The following LRRK2 variants were observed in gnomAD, a reference collection of about 807,000 sequenced individuals.
The protein encoded by LRRK2 is leucine-rich repeat serine/threonine-protein kinase 2.
Under a neutral mutation model 302.6 loss-of-function variants are expected in LRRK2, and 203 were observed. That is an observed-to-expected ratio of 0.67 (90% CI 0.60 to 0.75). The LOEUF is 0.75. Ranked by LOEUF, LRRK2 falls within the 30% of genes least tolerant of loss-of-function variation. The pLI is 0.00. For synonymous variants in LRRK2, 1,066 were observed against 1,031.9 expected, an observed-to-expected ratio of 1.03 and a Z score of -0.63; for missense variants, 2,830 against 2,951.0, an observed-to-expected ratio of 0.96 and a Z score of 0.95.
rs201407298 is a variant in LRRK2, at chr12:40,309,146, G to A, written c.4230G>A (p.Thr1410=). The A allele has an allele frequency of 3.3e-5, 54 of 1,613,622 alleles. No individual in the cohort carries two copies. The highest frequency in any genetic ancestry group is 1.8e-4 in the South Asian group (16 of 91,068). ...ATAGTACTCATCCCCATTTTATGAC[G>A]CAGCGAGCATTGTACCTTGCTGTCT... The part of the protein sequence containing the change: ...EFYSTHPHFM[T]QRALYLAVYD... Residue 1410 remains threonine, a synonymous_variant, in exon 30 of 51, where the codon ACG becomes ACA. Coordinates refer to ENST00000298910, the MANE Select transcript of LRRK2 (RefSeq NM_198578.4).
chr12:40,355,744 A>AT (rs956088236), intron 45 of LRRK2, among the ~76,000 whole-genome samples: 8 of 151,928 alleles, frequency 5.3e-5, no homozygotes, highest in Non-Finnish European at 1.0e-4. Context: ...GGATTTCACC[A>AT]TGTTAGCCAG....
At chr12:40,296,798 G>A (rs1483023248) in intron 23 of LRRK2, among the ~76,000 whole-genome samples, 1 of 152,058 alleles carries the variant, frequency 6.6e-6, no homozygotes, top group Non-Finnish European at 1.5e-5. Context: ...AAGAAAGAAA[G>A]GTGACCCACT....
Position 40,284,180 on chromosome 12 carries a change from AT to A in LRRK2, c.2500+54del, listed in dbSNP as rs778737765. ...TTTTACAATTCTTATTTTTAATAGT[AT>A]TTTTTTAAGTCACTAGTCTTTTAGT... On this transcript the variant is annotated intron_variant, in intron 19 of 50. Coordinates refer to ENST00000298910, the MANE Select transcript of LRRK2 (RefSeq NM_198578.4). 8 of 1,525,670 alleles carry A rather than the reference AT, an allele frequency of 5.2e-6. 1 individual carries two copies. In the Admixed American group the frequency reaches 1.2e-4, roughly 23 times the overall value. The allele number at this position is 1,525,670 out of a possible 1,614,324, so 94.5% of individuals were successfully genotyped here.
At chr12:40,340,156 C>G in intron 40 of LRRK2, 138 bp from the exon 41 acceptor site, 2 of 797,648 alleles carry the variant, frequency 2.5e-6, no homozygotes, top group South Asian at 3.4e-5. Flanking sequence ...TCTACAATAT[C>G]TCTTAACTTT....
intron 7 of LRRK2, among the ~76,000 whole-genome samples, chr12:40,244,853 T>C (rs926674243): frequency 6.6e-6 from 1 of 151,888 alleles, no homozygotes; most frequent in Non-Finnish European, 1.5e-5. Flanking sequence ...CTGAACATTG[T>C]ACACATGTAC....
chr12:40,353,082 G>A (rs1479937722), intron 44 of LRRK2, among the ~76,000 whole-genome samples: 5 of 150,494 alleles, frequency 3.3e-5, no homozygotes, highest in African/African-American at 4.9e-5. Flanking sequence ...GCGGCCGGGC[G>A]GGGGCTGCCC....
chr12:40,251,198 T>A (rs1942254010), intron 8 of LRRK2, 34 bp from the exon 9 acceptor site: 1 of 1,340,054 alleles, frequency 7.5e-7, no homozygotes, highest in Non-Finnish European at 1.0e-6. Flanking sequence ...ATAATATATA[T>A]AATGTTTTTA....
In LRRK2 at chr12:40,346,838, C is replaced by T; in HGVS notation, c.6195C>T (p.Asp2065=). 1 of 1,613,810 alleles carries T rather than the reference C, an allele frequency of 6.2e-7. No individual in the cohort carries two copies. The highest frequency in any genetic ancestry group is 8.5e-7 in the Non-Finnish European group (1 of 1,179,820). Residue 2065 remains aspartate, a synonymous_variant, in exon 42 of 51, where the codon GAC becomes GAT. Coordinates refer to ENST00000298910, the MANE Select transcript of LRRK2 (RefSeq NM_198578.4). The stretch of plus-strand genomic sequence containing the variant: ...ATTCATTTGGTTTACTACTCTATGA[C>T]ATTTTGACAACTGGAGGTAGAATAG... ...DVYSFGLLLY[D]ILTTGGRIVE... is the part of the protein sequence containing the mutation.
intron 20 of LRRK2, among the ~76,000 whole-genome samples, chr12:40,291,483 CGAGTTATTTAG>C (rs1565718531): frequency 6.6e-6 from 1 of 150,666 alleles, no homozygotes; most frequent in Non-Finnish European, 1.5e-5. Flanking sequence ...CTTTGATTCA[CGAGTTATTTAG>C]AAGGCTGTCA....
At chr12:40,274,778 G>A in intron 15 of LRRK2, 51 bp downstream of exon 15, 1 of 1,611,244 alleles carries the variant, frequency 6.2e-7, no homozygotes, top group South Asian at 1.1e-5. Flanking sequence ...TAGGGCATTA[G>A]CTGGTGACTG....
intron 39 of LRRK2, among the ~76,000 whole-genome samples, chr12:40,329,687 A>G (rs781623450): frequency 1.3e-5 from 2 of 152,076 alleles, no homozygotes; most frequent in African/African-American, 2.4e-5. Flanking sequence ...TTTATCATCA[A>G]TTTATAAAAA....
rs568798467 is a variant in LRRK2 at position 40,277,332 on chromosome 12, A to G, written c.1942-556A>G. Reference sequence around the variant, plus strand: ...TTCTTTATAAATAACTTATTATTAGAATGTAATCCTCAGAGTGCCCTCAGC... The same window carrying G: ...TTCTTTATAAATAACTTATTATTAGGATGTAATCCTCAGAGTGCCCTCAGC... On this transcript the variant is annotated intron_variant, in intron 16 of 50. Transcript: ENST00000298910. Among the ~76,000 whole-genome samples the G allele has an allele frequency of 5.9e-5, 9 of 152,276 alleles. No homozygotes were observed. In the South Asian group the frequency reaches 1.9e-3, roughly 32 times the overall value.
chr12:40,308,968 T>A lies in LRRK2; in HGVS notation c.4190-138T>A, dbSNP rs190724176. On this transcript the variant is annotated intron_variant, in intron 29 of 50. Coordinates refer to ENST00000298910, the MANE Select transcript of LRRK2 (RefSeq NM_198578.4). ...TCCTAGTAAAAACCCAGAATAGTTC[T>A]CTAAACATGGTCTGTTGTTTTTCTC... The A allele has an allele frequency of 2.1e-5, 22 of 1,059,932 alleles. No homozygotes were observed. The East Asian group carries it at 5.7e-4, about 27-fold the overall frequency. The allele number at this position is 1,059,932 out of a possible 1,614,324, so 65.7% of individuals were successfully genotyped here.
At chr12:40,281,918 G>A (rs1943712611) in intron 18 of LRRK2, among the ~76,000 whole-genome samples, 1 of 152,106 alleles carries the variant, frequency 6.6e-6, no homozygotes, top group Non-Finnish European at 1.5e-5. Flanking sequence ...AATCACCTTA[G>A]TACAAAGTAA....
At position 40,251,539 on chromosome 12, in the gene LRRK2, T is replaced by C. The variant is rs780820960; in HGVS notation, c.1176T>C (p.Asp392=). The C allele has an allele frequency of 1.9e-6, 3 of 1,610,242 alleles. No individual in the cohort carries two copies. Among genetic ancestry groups the C allele is most frequent in the East Asian group, 4.5e-5 (2 of 44,754 alleles). The change falls in exon 10 of 51, where the codon GAT becomes GAC. Residue 392 remains aspartate (D), a synonymous_variant. Coordinates refer to ENST00000298910, the MANE Select transcript of LRRK2 (RefSeq NM_198578.4). ...TACATGAGAAGATTGGAGATGAAGA[T>C]GGCCAGTTAGTAGTTTTGATTTTAT... ...NSLHEKIGDE[D]GHFPAHREVM...
At chr12:40,303,517 A>G (rs537182005) in intron 26 of LRRK2, among the ~76,000 whole-genome samples, 2 of 152,182 alleles carry the variant, frequency 1.3e-5, no homozygotes, top group South Asian at 2.1e-4. Flanking sequence ...AATTGACACT[A>G]AAATGCTGCT....
intron 33 of LRRK2, among the ~76,000 whole-genome samples, chr12:40,316,803 A>T (rs1044817418): frequency 8.5e-5 from 13 of 152,184 alleles, no homozygotes; most frequent in Non-Finnish European, 1.9e-4. Context: ...GGGGACAAAT[A>T]AAAAAGATGT....
In LRRK2 at chr12:40,340,206, A is replaced by G; in HGVS notation, c.5949-88A>G. 6 of 1,329,350 alleles carry G rather than the reference A, an allele frequency of 4.5e-6. No individual in the cohort carries two copies. In the South Asian group the frequency reaches 5.1e-5, roughly 11 times the overall value. 82.3% of individuals were successfully genotyped at this position (1,329,350 alleles called of 1,614,324 possible). On this transcript the variant is annotated intron_variant, in intron 40 of 50. Coordinates refer to ENST00000298910, the MANE Select transcript of LRRK2 (RefSeq NM_198578.4). ...GCACAGAATTTTTGATGCTTGACAT[A>G]GTGGACATTTATATTTAAGGAAATT... is the stretch of plus-strand genomic sequence containing the variant.
chr12:40,368,560 C>CAAGTGAT lies in LRRK2; in HGVS notation c.*797_*803dup, dbSNP rs1468292709. ...AGTGTAAATACAGTGTTCAGTCCTT[C>CAAGTGAT]AAGTGATATTTTTATTTTTTTATTC... is the stretch of plus-strand genomic sequence containing the variant. On this transcript the variant is annotated 3_prime_UTR_variant, in exon 51 of 51. Coordinates refer to ENST00000298910, the MANE Select transcript of LRRK2 (RefSeq NM_198578.4). 1.3e-5 allele frequency: 2 copies of CAAGTGAT among 151,860 alleles called. No individual in the cohort carries two copies. The highest frequency in any genetic ancestry group is 4.8e-5 in the African/African-American group (2 of 41,422). 9.4% of individuals were successfully genotyped at this position (151,860 alleles called of 1,614,324 possible).
Sources: gnomAD v4.1 joint callset for allele counts (sites outside exome capture counted in the v4.1 genomes callset) on GRCh38, gnomAD v4.1.1 for gene constraint, MANE v1.5 for transcripts, NCBI Gene and HGNC (gene_info 2026-07-23, HGNC 2026-07-21) for gene names.